The following KIZ variants were observed in gnomAD, a reference collection of about 807,000 sequenced individuals.
The protein encoded by KIZ is centrosomal protein kizuna.
A neutral mutation model predicts 79.6 loss-of-function variants in KIZ; 68 were observed. The ratio of observed to expected loss-of-function variants is 0.85; its 90% CI spans 0.70 to 1.05. The LOEUF (loss-of-function observed/expected upper bound fraction) is 1.05, where lower values mean the gene tolerates loss of function less well. KIZ is among the 50% of genes least tolerant of loss of function. KIZ has a pLI of 0.00. For missense variants in KIZ, 797 were observed against 800.4 expected (o/e 1.00, Z 0.05); for synonymous variants, 280 against 281.8 (o/e 0.99, Z 0.06).
intron 9 of KIZ, among the ~76,000 whole-genome samples, chr20:21,219,367 G>C (rs1283689439): frequency 6.6e-6 from 1 of 152,008 alleles, no homozygotes; most frequent in Admixed American, 6.6e-5. Context: ...ACCCAGGCTG[G>C]AGTGCATTGT....
At chr20:21,179,209 GTTT>G (rs34220269) in intron 6 of KIZ, among the ~76,000 whole-genome samples, 15 of 129,762 alleles carry the variant, frequency 1.2e-4, no homozygotes, top group Non-Finnish European at 1.8e-4. Context: ...GGGTTTTTTT[GTTT>G]TTTTTTTTTT....
At chr20:21,209,608 C>T (rs76091836) in intron 7 of KIZ, among the ~76,000 whole-genome samples, 3,215 of 152,314 alleles carry the variant, frequency 0.021, 99 homozygotes, top group African/African-American at 0.068. Flanking sequence ...AGGTAAAATC[C>T]CTTCATTCCC....
chr20:21,228,678 T>G (rs1306955985), intron 9 of KIZ, among the ~76,000 whole-genome samples: 1 of 152,080 alleles, frequency 6.6e-6, no homozygotes, highest in African/African-American at 2.4e-5. Flanking sequence ...AAGACTTGCT[T>G]TCTCTTCTGG....
At chr20:21,170,412 G>T (rs1453462057) in intron 6 of KIZ, among the ~76,000 whole-genome samples, 1 of 142,330 alleles carries the variant, frequency 7.0e-6, no homozygotes, top group Admixed American at 7.1e-5. Flanking sequence ...TTTTTGAGAC[G>T]GAGTCTCTCT....
At chr20:21,147,855 G>T (rs1306473333) in intron 4 of KIZ, among the ~76,000 whole-genome samples, 2 of 152,120 alleles carry the variant, frequency 1.3e-5, no homozygotes, top group Non-Finnish European at 2.9e-5. Context: ...AGAAGGATGT[G>T]CAGGATGCCA....
rs11445129 is a variant in KIZ, at chr20:21,167,559, C to CTTT, written c.1352+4417_1352+4419dup. ...GCTAGTGGGTTTTTTGTTTGTTTCG[C>CTTT]TTTTTTTTTTTTTTTTTTTGAGATG... On this transcript the variant is annotated intron_variant, in intron 6 of 12. Transcript: ENST00000619189. Among the ~76,000 whole-genome samples, 60 of 111,764 alleles carry CTTT rather than the reference C, an allele frequency of 5.4e-4. 2 individuals are homozygous for CTTT. The highest frequency in any genetic ancestry group is 8.0e-4 in the Non-Finnish European group (46 of 57,200). 73.3% of individuals were successfully genotyped at this position (111,764 alleles called of 152,430 possible). A position where few individuals can be genotyped will look rare whatever the true frequency, so the allele number is the denominator to read the frequency against.
intron 6 of KIZ, among the ~76,000 whole-genome samples, chr20:21,185,407 CT>C (rs1269681079): frequency 0.022 from 2,920 of 131,306 alleles, 19 homozygotes; most frequent in African/African-American, 0.07. Context: ...ATTATTCTAC[CT>C]TTTTTTTTTT....
intron 1 of KIZ, among the ~76,000 whole-genome samples, chr20:21,130,105 T>C (rs1252479127): frequency 6.6e-6 from 1 of 151,938 alleles, no homozygotes; most frequent in Non-Finnish European, 1.5e-5. Context: ...CGATGCTCCC[T>C]TTTTTTTCCC....
At chr20:21,144,967 A>G (rs571394984) in intron 3 of KIZ, among the ~76,000 whole-genome samples, 2 of 152,250 alleles carry the variant, frequency 1.3e-5, no homozygotes, top group South Asian at 4.1e-4. Flanking sequence ...TAGTGTGGTG[A>G]TGATGCAGAC....
intron 3 of KIZ, among the ~76,000 whole-genome samples, chr20:21,143,231 A>G (rs530543602): frequency 6.6e-6 from 1 of 151,788 alleles, no homozygotes; most frequent in Non-Finnish European, 1.5e-5. Flanking sequence ...CTCTAATGTG[A>G]GGAGACAGGG....
intron 1 of KIZ, 68 bp from the exon 2 acceptor site, chr20:21,132,029 G>A (rs565983290): frequency 1.9e-4 from 137 of 714,846 alleles, no homozygotes; most frequent in Non-Finnish European, 3.1e-4. Context: ...TTTCAAAGAA[G>A]AGCATGGTCT....
At chr20:21,165,700 G>C (rs942429583) in intron 6 of KIZ, among the ~76,000 whole-genome samples, 6 of 152,194 alleles carry the variant, frequency 3.9e-5, no homozygotes, top group African/African-American at 7.2e-5. Context: ...TTTTACTCCT[G>C]TGATGAAGCT....
At chr20:21,131,992 A>C (rs921758221) in intron 1 of KIZ, 105 bp from the exon 2 acceptor site, 5 of 634,786 alleles carry the variant, frequency 7.9e-6, no homozygotes, top group Non-Finnish European at 1.4e-5. Flanking sequence ...TTTGACCTCT[A>C]ATCAACACCT....
chr20:21,148,338 A>G (rs1272881506), intron 4 of KIZ, among the ~76,000 whole-genome samples: 1 of 152,234 alleles, frequency 6.6e-6, no homozygotes, highest in Non-Finnish European at 1.5e-5. Flanking sequence ...CATTTTTTAA[A>G]TATAAAAACT....
chr20:21,166,873 G>A (rs1446141490), intron 6 of KIZ, among the ~76,000 whole-genome samples: 8 of 152,222 alleles, frequency 5.3e-5, no homozygotes, highest in East Asian at 1.9e-4. Flanking sequence ...GATTAGAGGC[G>A]TGAGCCACCA....
rs1156517981 is a variant in KIZ at position 21,214,601 on chromosome 20, G to T, written c.1513G>T (p.Glu505Ter). 1 of 1,613,066 alleles carries T rather than the reference G, an allele frequency of 6.2e-7. No homozygotes were observed. The highest frequency in any genetic ancestry group is 8.5e-7 in the Non-Finnish European group (1 of 1,179,132). Residue 505 changes from glutamate to a stop codon, truncating the protein, a stop_gained, in exon 8 of 13, where the codon GAA becomes TAA. Coordinates refer to ENST00000619189, the MANE Select transcript of KIZ (RefSeq NM_018474.6). LOFTEE classifies it high-confidence loss of function. ...CCGTAGGTCAGCTATTCACAGTAGT[G>T]AATCATCTTGCAGCTTGCCATCTAT... ...CGRRSAIHSS[E>*]SSCSLPSILN...
chr20:21,136,579 T>A, intron 3 of KIZ, 27 bp downstream of exon 3: 2 of 1,492,316 alleles, frequency 1.3e-6, no homozygotes, highest in Non-Finnish European at 1.8e-6. Flanking sequence ...TACTGTGTTT[T>A]ATTTTATTTG....
chr20:21,173,028 G>T (rs1354666618), intron 6 of KIZ, among the ~76,000 whole-genome samples: 1 of 152,198 alleles, frequency 6.6e-6, no homozygotes, highest in Non-Finnish European at 1.5e-5. Context: ...GGAGAAGCTG[G>T]AGTGAGAGAG....
intron 6 of KIZ, among the ~76,000 whole-genome samples, chr20:21,201,598 T>C (rs1478932778): frequency 6.6e-6 from 1 of 152,266 alleles, no homozygotes; most frequent in African/African-American, 2.4e-5. Flanking sequence ...GAAATACGGA[T>C]ACATTTGTTT....
Sources: allele counts gnomAD v4.1 joint callset (sites outside exome capture counted in the v4.1 genomes callset), GRCh38; gene constraint gnomAD v4.1.1; transcripts MANE v1.5; gene names NCBI Gene and HGNC (gene_info 2026-07-23, HGNC 2026-07-21).